Variants in ATP2B2 observed in about 807,000 individuals in gnomAD.
ATP2B2 encodes the protein plasma membrane calcium-transporting ATPase 2.
A neutral mutation model predicts 120.0 loss-of-function variants in ATP2B2; 15 were observed. The ratio of observed to expected loss-of-function variants is 0.12; its 90% CI spans 0.08 to 0.19. The LOEUF (loss-of-function observed/expected upper bound fraction) is 0.19. ATP2B2 is among the 10% of genes least tolerant of loss of function. The probability of loss-of-function intolerance (pLI) is 1.00; values close to 1 mark genes in which losing one functional copy is unlikely to be tolerated. For missense variants in ATP2B2, 1,045 were observed against 1,719.8 expected, an observed-to-expected ratio of 0.61 and a Z score of 6.94; for synonymous variants, 694 against 700.3, an observed-to-expected ratio of 0.99 and a Z score of 0.14.
At chr3:10,646,941 G>A (rs79768652) in intron 1 of ATP2B2, among the ~76,000 whole-genome samples, 3,568 of 152,252 alleles carry the variant, frequency 0.023, 71 homozygotes, top group South Asian at 0.086. Context: ...GGCAAGAAGC[G>A]CCCTGCAAGT....
intron 2 of ATP2B2, among the ~76,000 whole-genome samples, chr3:10,545,306 G>T (rs1167186640): frequency 2.6e-5 from 4 of 152,190 alleles, no homozygotes; most frequent in Non-Finnish European, 5.9e-5. Context: ...AAGGCAGGTG[G>T]ATCACCTGAG....
chr3:10,488,842 TCTG>T (rs2065829374), intron 1 of ATP2B2, among the ~76,000 whole-genome samples: 1 of 151,866 alleles, frequency 6.6e-6, no homozygotes, highest in Non-Finnish European at 1.5e-5. Context: ...CCCCCCACAG[TCTG>T]TTTTCCACAC....
intron 2 of ATP2B2, among the ~76,000 whole-genome samples, chr3:10,571,419 A>G (rs963555348): frequency 2.6e-5 from 4 of 152,226 alleles, no homozygotes; most frequent in African/African-American, 7.2e-5. Context: ...GGGAGCCAGC[A>G]TGCTGCCTGG....
Position 10,343,141 on chromosome 3 carries a change from A to G in ATP2B2, c.2704-176T>C, listed in dbSNP as rs2060329353. Among the ~76,000 whole-genome samples the G allele has an allele frequency of 6.6e-6, 1 of 152,180 alleles. No homozygotes were observed. The highest frequency in any genetic ancestry group is 2.4e-5 in the African/African-American group (1 of 41,444). ...TGATGCCTTCTCTGGAGAACAGTGC[A>G]GACCTGCCCACCTCAGCCACATCTT... On this transcript the variant is annotated intron_variant, in intron 18 of 22. Transcript: ENST00000360273. The surrounding 1 kb of genome is among the most constrained non-coding windows in gnomAD (Gnocchi z 4.2).
At chr3:10,348,067 T>C (rs1301579413) in intron 16 of ATP2B2, among the ~76,000 whole-genome samples, 2 of 152,064 alleles carry the variant, frequency 1.3e-5, no homozygotes, top group African/African-American at 4.8e-5. Flanking sequence ...GGGCAGCTCT[T>C]GGCTTCTGCA....
At chr3:10,677,399 T>C (rs570433613) in intron 1 of ATP2B2, among the ~76,000 whole-genome samples, 1 of 151,500 alleles carries the variant, frequency 6.6e-6, no homozygotes, top group Non-Finnish European at 1.5e-5. Context: ...TCAACAGGGG[T>C]TGGGGGAAGG....
intron 2 of ATP2B2, among the ~76,000 whole-genome samples, chr3:10,426,267 A>G (rs1413691171): frequency 6.6e-6 from 1 of 152,142 alleles, no homozygotes; most frequent in East Asian, 1.9e-4. Flanking sequence ...TTATTAATGA[A>G]ATTGGTTTTT....
intron 1 of ATP2B2, among the ~76,000 whole-genome samples, chr3:10,665,787 C>T (rs996002634): frequency 3.3e-5 from 5 of 152,196 alleles, no homozygotes; most frequent in East Asian, 3.9e-4. Context: ...GGAGTCTTGC[C>T]CGCCTCCAGC....
Position 10,340,585 on chromosome 3 carries a change from C to A in ATP2B2, c.3037G>T (p.Ala1013Ser). Residue 1013 changes from alanine to serine, a missense_variant, in exon 20 of 23, where the codon GCC becomes TCC. By Grantham distance (99) the Ala-to-Ser change is moderately conservative (BLOSUM62 1). Transcript: ENST00000360273. The surrounding 1 kb of genome is among the most constrained non-coding windows in gnomAD (Gnocchi z 5.0). Reference sequence around the variant, plus strand: ...TTGCGCTCGCCGTGGATCTTGCGGGCGTTGATCTCGTTGAAGAGCTGCATC... The same window carrying A: ...TTGCGCTCGCCGTGGATCTTGCGGGAGTTGATCTCGTTGAAGAGCTGCATC... ...VMMQLFNEIN[A>S]RKIHGERNVF... 6.2e-7 allele frequency: 1 copy of A among 1,614,174 alleles called. No individual in the cohort carries two copies. The highest frequency in any genetic ancestry group is 1.1e-5 in the South Asian group (1 of 91,078).
At chr3:10,670,416 T>G (rs1292644165) in intron 1 of ATP2B2, among the ~76,000 whole-genome samples, 1 of 152,122 alleles carries the variant, frequency 6.6e-6, no homozygotes, top group African/African-American at 2.4e-5. Context: ...TATTGGGTTT[T>G]TTGTTGTTGT....
intron 3 of ATP2B2, among the ~76,000 whole-genome samples, chr3:10,526,009 T>C (rs1476831149): frequency 6.6e-6 from 1 of 152,234 alleles, no homozygotes; most frequent in Non-Finnish European, 1.5e-5. Flanking sequence ...GATAAGGCTG[T>C]AGTGAAGATG....
intron 5 of ATP2B2, among the ~76,000 whole-genome samples, chr3:10,391,619 C>T (rs1023293151): frequency 1.3e-5 from 2 of 152,176 alleles, no homozygotes; most frequent in Non-Finnish European, 2.9e-5. Context: ...AGGCATAGTG[C>T]GCTCCCCGCC....
chr3:10,428,961 C>T (rs1030850446), intron 2 of ATP2B2, among the ~76,000 whole-genome samples: 5 of 152,190 alleles, frequency 3.3e-5, no homozygotes, highest in Admixed American at 6.5e-5. Context: ...AAAAATGAAA[C>T]GAGATGATGC....
In ATP2B2 at chr3:10,371,820, T is replaced by A; in HGVS notation, c.1648A>T (p.Thr550Ser). The change falls in exon 12 of 23, where the codon ACC (threonine) becomes TCC (serine). Residue 550 changes from threonine to serine, a missense_variant. Thr to Ser is a moderately conservative substitution (Grantham distance 58). This residue lies in a region of ATP2B2 where 343 missense variants were observed against 536.8 expected (regional missense o/e 0.64). Coordinates refer to ENST00000360273, the MANE Select transcript of ATP2B2 (RefSeq NM_001001331.4). ...NAIAINSAYT[T>S]KILPPEKEGA... Reference sequence around the variant, plus strand: ...TGGTCCACACTTACCAGAATCTTGGTGGTGTAGGCGCTGTTGATGGCGATG... The same window carrying A: ...TGGTCCACACTTACCAGAATCTTGGAGGTGTAGGCGCTGTTGATGGCGATG... 1 of 1,614,120 alleles carries A rather than the reference T, an allele frequency of 6.2e-7. No individual in the cohort carries two copies. The highest frequency in any genetic ancestry group is 8.5e-7 in the Non-Finnish European group (1 of 1,180,026).
At chr3:10,409,724 A>G (rs1163418988) in intron 3 of ATP2B2, among the ~76,000 whole-genome samples, 1 of 152,244 alleles carries the variant, frequency 6.6e-6, no homozygotes, top group Non-Finnish European at 1.5e-5. Context: ...CAGATATTCA[A>G]GGGACCTCAG....
chr3:10,564,175 C>T (rs2067960820), intron 2 of ATP2B2, among the ~76,000 whole-genome samples: 1 of 152,202 alleles, frequency 6.6e-6, no homozygotes, highest in Non-Finnish European at 1.5e-5. Flanking sequence ...CAGAAAAAGA[C>T]TCATATAACC....
chr3:10,415,980 C>T (rs751743292), intron 2 of ATP2B2, among the ~76,000 whole-genome samples: 5 of 152,290 alleles, frequency 3.3e-5, no homozygotes, highest in African/African-American at 9.6e-5. Context: ...TTTCACCCCT[C>T]GGAGACTCAG....
At chr3:10,649,377 C>T (rs1240261365) in intron 1 of ATP2B2, among the ~76,000 whole-genome samples, 1 of 152,184 alleles carries the variant, frequency 6.6e-6, no homozygotes. Flanking sequence ...AGACAGAACT[C>T]CCTAAAGGGT....
At chr3:10,534,565 T>C (rs968003528) in intron 2 of ATP2B2, among the ~76,000 whole-genome samples, 3 of 152,248 alleles carry the variant, frequency 2.0e-5, no homozygotes, top group Non-Finnish European at 4.4e-5. Flanking sequence ...GATGCCACCG[T>C]TGTCCCCATT....
Sources: allele counts gnomAD v4.1 joint callset (sites outside exome capture counted in the v4.1 genomes callset), GRCh38; gene constraint gnomAD v4.1.1; regional missense constraint gnomAD v4.1.1; non-coding constraint Gnocchi (gnomAD v3.1); transcripts MANE v1.5; gene names NCBI Gene and HGNC (gene_info 2026-07-23, HGNC 2026-07-21).